Variants in AUTS2 observed in about 807,000 individuals in gnomAD.
The protein encoded by AUTS2 is autism susceptibility gene 2 protein.
A neutral mutation model predicts 112.4 loss-of-function variants in AUTS2; 17 were observed. That is an observed-to-expected ratio of 0.15 (90% CI 0.10 to 0.23). AUTS2 has a LOEUF of 0.23. Ranked by LOEUF, AUTS2 falls within the 10% of genes least tolerant of loss-of-function variation. The pLI is 1.00. For synonymous variants in AUTS2, 751 were observed against 702.7 expected (o/e 1.07, Z -1.09); for missense variants, 1,510 against 1,701.6 (o/e 0.89, Z 1.98).
chr7:70,102,062 T>C (rs1357941472), intron 2 of AUTS2, among the ~76,000 whole-genome samples: 1 of 152,138 alleles, frequency 6.6e-6, no homozygotes. Context: ...TAAGCTTTCA[T>C]TGTCCAATAG....
intron 1 of AUTS2, among the ~76,000 whole-genome samples, chr7:69,863,217 T>G (rs942622368): frequency 6.6e-6 from 1 of 152,252 alleles, no homozygotes; most frequent in East Asian, 1.9e-4. Context: ...TGTTTGATTC[T>G]GTACTGAACA....
intron 6 of AUTS2, among the ~76,000 whole-genome samples, chr7:70,700,239 G>A (rs1448508906): frequency 6.6e-6 from 1 of 151,832 alleles, no homozygotes; most frequent in Non-Finnish European, 1.5e-5. Context: ...CTATTTGGTT[G>A]TGAATAGCCC....
At chr7:70,413,053 G>T (rs1794841379) in intron 4 of AUTS2, among the ~76,000 whole-genome samples, 1 of 152,204 alleles carries the variant, frequency 6.6e-6, no homozygotes, top group Non-Finnish European at 1.5e-5. Context: ...GCCCTGTCTG[G>T]CACTACTGCC....
intron 1 of AUTS2, among the ~76,000 whole-genome samples, chr7:69,635,400 A>G (rs956220798): frequency 2.6e-5 from 4 of 152,246 alleles, no homozygotes; most frequent in African/African-American, 9.6e-5. Flanking sequence ...GGCTGAAAAT[A>G]CATCTGAGAA....
At chr7:70,460,842 T>G (rs1796933885) in intron 5 of AUTS2, among the ~76,000 whole-genome samples, 1 of 152,170 alleles carries the variant, frequency 6.6e-6, no homozygotes, top group Non-Finnish European at 1.5e-5. Flanking sequence ...TAAAAATGCC[T>G]GCATGGTGCC....
chr7:69,881,622 G>A (rs1364660552), intron 1 of AUTS2, among the ~76,000 whole-genome samples: 1 of 151,928 alleles, frequency 6.6e-6, no homozygotes, highest in South Asian at 2.1e-4. Flanking sequence ...TTTAATTTTG[G>A]ATCTATCAGG....
chr7:70,083,578 A>G (rs1490516877), intron 2 of AUTS2, among the ~76,000 whole-genome samples: 1 of 152,192 alleles, frequency 6.6e-6, no homozygotes, highest in Non-Finnish European at 1.5e-5. Flanking sequence ...ATTGGCATAT[A>G]ATGAACTGAT....
chr7:69,991,959 T>C (rs1221214140), intron 2 of AUTS2, among the ~76,000 whole-genome samples: 1 of 152,226 alleles, frequency 6.6e-6, no homozygotes, highest in Non-Finnish European at 1.5e-5. Context: ...AGTTTTTGTT[T>C]ATATATATGG....
chr7:70,010,092 C>T (rs1799726082), intron 2 of AUTS2, among the ~76,000 whole-genome samples: 2 of 152,084 alleles, frequency 1.3e-5, no homozygotes, highest in African/African-American at 4.8e-5. Context: ...TAAAAAGTTA[C>T]CTGTGAGCCT....
intron 1 of AUTS2, among the ~76,000 whole-genome samples, chr7:69,727,362 CG>C (rs2129224755): frequency 6.6e-6 from 1 of 152,102 alleles, no homozygotes; most frequent in East Asian, 1.9e-4. Context: ...GGGGATGAGG[CG>C]GGTGGATCAC....
intron 2 of AUTS2, among the ~76,000 whole-genome samples, chr7:70,043,575 TCC>T (rs1563060685): frequency 8.9e-5 from 10 of 112,836 alleles, no homozygotes; most frequent in African/African-American, 1.9e-4. Flanking sequence ...CTTCCTTCCT[TCC>T]TTCCTTCCTT....
chr7:69,995,614 C>T (rs1798913377), intron 2 of AUTS2, among the ~76,000 whole-genome samples: 1 of 152,178 alleles, frequency 6.6e-6, no homozygotes, highest in Admixed American at 6.5e-5. Context: ...ATCCCAGCAG[C>T]AGGATTCTCC....
At chr7:70,346,315 T>C (rs1420478798) in intron 4 of AUTS2, among the ~76,000 whole-genome samples, 1 of 152,188 alleles carries the variant, frequency 6.6e-6, no homozygotes, top group Admixed American at 6.5e-5. Flanking sequence ...TTATAACTGA[T>C]GATACATAGA....
chr7:70,768,097 A>C, intron 10 of AUTS2, 29 bp downstream of exon 10: 1 of 1,581,086 alleles, frequency 6.3e-7, no homozygotes, highest in South Asian at 1.2e-5. Flanking sequence ...CTACACATTG[A>C]ATGTAACTGC....
At chr7:70,218,509 C>A (rs1037557479) in intron 4 of AUTS2, among the ~76,000 whole-genome samples, 2 of 152,174 alleles carry the variant, frequency 1.3e-5, no homozygotes, top group East Asian at 3.9e-4. Context: ...GGTCTGTGAT[C>A]GGCCACTGAG....
intron 2 of AUTS2, among the ~76,000 whole-genome samples, chr7:69,985,310 C>T (rs1264567674): frequency 6.6e-6 from 1 of 151,816 alleles, no homozygotes; most frequent in African/African-American, 2.4e-5. Context: ...TCCTTGCTCT[C>T]AGCAGCTCTG....
Position 69,801,823 on chromosome 7 carries a change from C to T in AUTS2, c.310-97463C>T, listed in dbSNP as rs115192827. 2.9e-3 allele frequency among the ~76,000 whole-genome samples: 448 copies of T among 152,168 alleles called. 5 individuals are homozygous for T. Among genetic ancestry groups the T allele is most frequent in the African/African-American group, 0.01 (431 of 41,518 alleles). ...GTGGAAGGGAATGTCAATAAAGAAA[C>T]GTCTAATATCTAGAGTATTAGAAAC... On this transcript the variant is annotated intron_variant, in intron 1 of 18. Coordinates refer to ENST00000342771, the MANE Select transcript of AUTS2 (RefSeq NM_015570.4).
intron 4 of AUTS2, among the ~76,000 whole-genome samples, chr7:70,138,433 A>T (rs1444340567): frequency 6.6e-6 from 1 of 152,156 alleles, no homozygotes; most frequent in African/African-American, 2.4e-5. Context: ...GCAGAACTTG[A>T]TTCCTGCTGT....
At chr7:70,242,947 G>C (rs1365166173) in intron 4 of AUTS2, among the ~76,000 whole-genome samples, 1 of 152,184 alleles carries the variant, frequency 6.6e-6, no homozygotes, top group Non-Finnish European at 1.5e-5. Context: ...CACAGCAGTA[G>C]TTGCAAAACC....
Sources: allele counts gnomAD v4.1 joint callset (sites outside exome capture counted in the v4.1 genomes callset), GRCh38; gene constraint gnomAD v4.1.1; transcripts MANE v1.5; gene names NCBI Gene and HGNC (gene_info 2026-07-23, HGNC 2026-07-21).